The following CLDN10 variants were observed in gnomAD, a reference collection of about 807,000 sequenced individuals.
The protein encoded by CLDN10 is claudin-10.
Under a neutral mutation model 22.9 loss-of-function variants are expected in CLDN10, and 15 were observed. That is an observed-to-expected ratio of 0.65 (90% confidence interval 0.44 to 1.01). The LOEUF is 1.01. CLDN10 is among the 50% of genes least tolerant of loss of function. CLDN10 has a pLI of 0.00. For missense variants in CLDN10, 247 were observed against 287.8 expected (o/e 0.86, Z 1.03); for synonymous variants, 114 against 111.4 (o/e 1.02, Z -0.15).
At chr13:95,499,654 G>A (rs2042964524) in intron 1 of CLDN10, among the ~76,000 whole-genome samples, 1 of 152,214 alleles carries the variant, frequency 6.6e-6, no homozygotes, top group African/African-American at 2.4e-5. Context: ...CAGCCCTGCT[G>A]CCAGTGGAGG....
At chr13:95,545,959 T>C (rs1042156983) in intron 1 of CLDN10, among the ~76,000 whole-genome samples, 12 of 152,206 alleles carry the variant, frequency 7.9e-5, no homozygotes, top group African/African-American at 2.9e-4. Context: ...TCTTACTGTG[T>C]GTGTGGACTC....
chr13:95,567,530 A>G (rs2043801954), intron 3 of CLDN10, among the ~76,000 whole-genome samples: 1 of 152,206 alleles, frequency 6.6e-6, no homozygotes, highest in South Asian at 2.1e-4. Context: ...GGCTAAGACG[A>G]TGGAGTTTTC....
intron 3 of CLDN10, among the ~76,000 whole-genome samples, chr13:95,575,481 T>C (rs1200717364): frequency 6.6e-6 from 1 of 152,210 alleles, no homozygotes; most frequent in Non-Finnish European, 1.5e-5. Flanking sequence ...GGGGCATCTT[T>C]TTCAGGTGTG....
chr13:95,576,559 C>A (rs2043929912), intron 3 of CLDN10, among the ~76,000 whole-genome samples: 1 of 152,198 alleles, frequency 6.6e-6, no homozygotes, highest in African/African-American at 2.4e-5. Context: ...TAGTCCGCTA[C>A]TGCAAGTGAT....
chr13:95,509,947 T>C (rs558277688), intron 1 of CLDN10, among the ~76,000 whole-genome samples: 4 of 152,230 alleles, frequency 2.6e-5, no homozygotes, highest in Non-Finnish European at 5.9e-5. Context: ...GTGGGTAGGA[T>C]AGGCATGGGG....
intron 1 of CLDN10, among the ~76,000 whole-genome samples, chr13:95,505,501 G>T (rs2043028536): frequency 6.6e-6 from 1 of 152,174 alleles, no homozygotes; most frequent in South Asian, 2.1e-4. Context: ...AGTTGATTTT[G>T]GTTTCAGCCC....
chr13:95,463,286 ATATATATATAT>A (rs757668052), intron 1 of CLDN10, among the ~76,000 whole-genome samples: 8,659 of 22,308 alleles, frequency 0.39, 981 homozygotes, highest in Middle Eastern at 0.48. Context: ...CAAATGCTTA[ATATATATATAT>A]ATATATATAT....
chr13:95,470,077 T>C (rs1021419389), intron 1 of CLDN10, among the ~76,000 whole-genome samples: 9 of 152,200 alleles, frequency 5.9e-5, no homozygotes, highest in African/African-American at 2.2e-4. Flanking sequence ...CTGGGCTACA[T>C]GGACTTTTTC....
intron 1 of CLDN10, among the ~76,000 whole-genome samples, chr13:95,445,848 G>A (rs116764168): frequency 0.011 from 1,750 of 152,238 alleles, 36 homozygotes; most frequent in African/African-American, 0.039. Context: ...AGCGGCACAG[G>A]AATAACAAAG....
chr13:95,475,051 C>T (rs146769005), intron 1 of CLDN10, among the ~76,000 whole-genome samples: 1 of 152,266 alleles, frequency 6.6e-6, no homozygotes, highest in East Asian at 1.9e-4. Flanking sequence ...TGAATTGGCT[C>T]CTCTCTGCTA....
At chr13:95,498,917 A>G (rs2042955279) in intron 1 of CLDN10, among the ~76,000 whole-genome samples, 1 of 152,124 alleles carries the variant, frequency 6.6e-6, no homozygotes, top group African/African-American at 2.4e-5. Context: ...CCACCGTTCT[A>G]TTTTCTGTCT....
chr13:95,528,630 G>A (rs2043309909), intron 1 of CLDN10: 1 of 152,148 alleles, frequency 6.6e-6, no homozygotes, highest in Admixed American at 6.6e-5. Flanking sequence ...CAACAAGTAA[G>A]ATCAAACAGA....
chr13:95,440,033 C>T (rs1245494699), intron 1 of CLDN10, among the ~76,000 whole-genome samples: 1 of 152,084 alleles, frequency 6.6e-6, no homozygotes, highest in Non-Finnish European at 1.5e-5. Flanking sequence ...CCTGCCTCAG[C>T]CTCCCAAGTA....
intron 1 of CLDN10, among the ~76,000 whole-genome samples, chr13:95,524,153 A>C (rs955124152): frequency 1.0e-5 from 1 of 98,496 alleles, no homozygotes; most frequent in Non-Finnish European, 2.1e-5. Flanking sequence ...TAACATTTTT[A>C]TCTCTGATTT....
At chr13:95,534,744 A>C (rs557411948) in intron 1 of CLDN10, among the ~76,000 whole-genome samples, 8 of 152,354 alleles carry the variant, frequency 5.3e-5, no homozygotes, top group Non-Finnish European at 7.3e-5. Flanking sequence ...CTCTGCCTCT[A>C]AATGGCAATA....
At chr13:95,466,712 G>A (rs528343087) in intron 1 of CLDN10, among the ~76,000 whole-genome samples, 5 of 151,954 alleles carry the variant, frequency 3.3e-5, no homozygotes, top group East Asian at 3.9e-4. Flanking sequence ...TAAGTTTAAC[G>A]TCAAGGTAGG....
intron 1 of CLDN10, among the ~76,000 whole-genome samples, 197 bp from the exon 2 acceptor site, chr13:95,559,935 A>C (rs1566337514): frequency 6.6e-6 from 1 of 152,198 alleles, no homozygotes; most frequent in Non-Finnish European, 1.5e-5. Context: ...CATAAACCGC[A>C]CTTCACAGTG....
At chr13:95,551,449 T>G (rs932549799), upstream of CLDN10, among the ~76,000 whole-genome samples, 1 of 152,166 alleles carries the variant, frequency 6.6e-6, no homozygotes, top group African/African-American at 2.4e-5. Context: ...AATCTAAGTT[T>G]TGATGATTCT....
In CLDN10 at chr13:95,527,416, T is replaced by C. The variant is rs557268535; in HGVS notation, c.215-32716T>C. Among the ~76,000 whole-genome samples the C allele has an allele frequency of 1.2e-4, 18 of 152,304 alleles. No homozygotes were observed. In the South Asian group the frequency reaches 3.5e-3, roughly 30 times the overall value. On this transcript the variant is annotated intron_variant, in intron 1 of 4. Coordinates refer to the CLDN10 transcript ENST00000376873. ...AACCAGAAGTCCACCTTCTTCTCTC[T>C]TTAAAATTCTGATATAGAAAAAACA... is the stretch of plus-strand genomic sequence containing the variant.
Sources: allele counts gnomAD v4.1 joint callset (sites outside exome capture counted in the v4.1 genomes callset), GRCh38; gene constraint gnomAD v4.1.1; transcripts MANE v1.5; gene names NCBI Gene and HGNC (gene_info 2026-07-23, HGNC 2026-07-21).